Variants in BAIAP2 observed in about 807,000 individuals in gnomAD.
BAIAP2 encodes the protein BAR/IMD domain-containing adapter protein 2.
Under a neutral mutation model 63.0 loss-of-function variants are expected in BAIAP2, and 18 were observed. The ratio of observed to expected loss-of-function variants is 0.29; its 90% CI spans 0.20 to 0.42. The LOEUF (loss-of-function observed/expected upper bound fraction) is 0.42, where lower values mean the gene tolerates loss of function less well. Among genes scored for constraint, BAIAP2 ranks in the 10% least tolerant of loss-of-function variants. BAIAP2 has a pLI of 1.00. For missense variants in BAIAP2, 610 were observed against 734.3 expected, an observed-to-expected ratio of 0.83 and a Z score of 1.96; for synonymous variants, 386 against 307.6, an observed-to-expected ratio of 1.25 and a Z score of -2.67.
At chr17:81,062,862 C>T (rs1297139396) in intron 3 of BAIAP2, among the ~76,000 whole-genome samples, 5 of 152,150 alleles carry the variant, frequency 3.3e-5, no homozygotes, top group Admixed American at 6.5e-5. Flanking sequence ...CAGCTCCCAC[C>T]GCTGCTGTGT....
chr17:81,068,389 C>A (rs1403697391), intron 3 of BAIAP2, among the ~76,000 whole-genome samples: 2 of 152,230 alleles, frequency 1.3e-5, no homozygotes, highest in African/African-American at 2.4e-5. Context: ...TGGCTTCTGT[C>A]CCCTGCAGAG....
intron 3 of BAIAP2, among the ~76,000 whole-genome samples, chr17:81,080,366 C>T (rs958553259): frequency 2.0e-5 from 3 of 152,240 alleles, no homozygotes; most frequent in Non-Finnish European, 2.9e-5. Flanking sequence ...TTTGTGCAGC[C>T]GCCGCTCGAA....
intron 1 of BAIAP2, among the ~76,000 whole-genome samples, chr17:81,048,754 C>T (rs1428568369): frequency 6.6e-6 from 1 of 152,152 alleles, no homozygotes; most frequent in Non-Finnish European, 1.5e-5. Context: ...GTAGTAGGGA[C>T]AGCTAGGGTC....
At chr17:81,043,782 G>A (rs1170788539) in intron 1 of BAIAP2, among the ~76,000 whole-genome samples, 1 of 152,206 alleles carries the variant, frequency 6.6e-6, no homozygotes. Flanking sequence ...GAGTGGCTGA[G>A]CTCATTGAAA....
At chr17:81,074,017 A>G (rs1382803827) in intron 3 of BAIAP2, among the ~76,000 whole-genome samples, 1 of 152,242 alleles carries the variant, frequency 6.6e-6, no homozygotes, top group East Asian at 1.9e-4. Flanking sequence ...TGCCAACGCA[A>G]CACAGCGGGA....
At chr17:81,078,700 C>T (rs2054117936) in intron 3 of BAIAP2, among the ~76,000 whole-genome samples, 1 of 150,940 alleles carries the variant, frequency 6.6e-6, no homozygotes, top group East Asian at 1.9e-4. Context: ...GGCGTGTTTG[C>T]GGCTGTTGGT....
intron 6 of BAIAP2, among the ~76,000 whole-genome samples, chr17:81,089,940 TCTC>T (rs2056425846): frequency 6.6e-6 from 1 of 152,104 alleles, no homozygotes; most frequent in Non-Finnish European, 1.5e-5. Context: ...AGCCTCATCT[TCTC>T]GGCCTCCCAG....
intron 2 of BAIAP2, chr17:81,057,496 A>T: frequency 4.0e-6 from 1 of 249,530 alleles, no homozygotes; most frequent in Non-Finnish European, 6.5e-6. Context: ...ATGGCTTCCT[A>T]CTGCCCAGCT....
rs556387461 is a variant in BAIAP2, at chr17:81,093,164, C to A, written c.489+6584C>A. Among the ~76,000 whole-genome samples, 4 of 152,028 alleles carry A rather than the reference C, an allele frequency of 2.6e-5. No homozygotes were observed. In the South Asian group the frequency reaches 8.3e-4, roughly 32 times the overall value. On this transcript the variant is annotated intron_variant, in intron 6 of 13. Coordinates refer to ENST00000428708, the MANE Select transcript of BAIAP2 (RefSeq NM_001144888.2). ...GAGGACCTGAGTGTGAGGAGGGAGC[C>A]CCGGCCCGCTGGATGCAACTTGTCC...
intron 5 of BAIAP2, 121 bp downstream of exon 5, chr17:81,085,846 GC>G: frequency 2.7e-6 from 2 of 743,896 alleles, no homozygotes; most frequent in Non-Finnish European, 2.2e-6. Flanking sequence ...GTCCACATGG[GC>G]CCCAGCTCTG....
At chr17:81,048,376 AAAAAG>A (rs2048148142) in intron 1 of BAIAP2, among the ~76,000 whole-genome samples, 1 of 151,862 alleles carries the variant, frequency 6.6e-6, no homozygotes, top group South Asian at 2.1e-4. Flanking sequence ...AAAAAAAAAA[AAAAAG>A]AATTCCTGAG....
At chr17:81,100,425 C>T (rs764960506) in intron 7 of BAIAP2, among the ~76,000 whole-genome samples, 82 of 152,292 alleles carry the variant, frequency 5.4e-4, no homozygotes, top group Admixed American at 9.1e-4. Flanking sequence ...GGTCATGCTC[C>T]GTGCTGGGTG....
chr17:81,100,198 C>T, intron 7 of BAIAP2, 118 bp downstream of exon 7: 1 of 1,338,882 alleles, frequency 7.5e-7, no homozygotes, highest in East Asian at 2.8e-5. Context: ...GGCTCGAACT[C>T]TCGTTTATTT....
chr17:81,113,179 C>T (rs562750155), intron 13 of BAIAP2, among the ~76,000 whole-genome samples: 13 of 152,350 alleles, frequency 8.5e-5, no homozygotes, highest in African/African-American at 2.4e-4. Flanking sequence ...CTGAGGCCAG[C>T]GCCCTGCCCG....
At position 81,103,602 on chromosome 17, in the gene BAIAP2, C is replaced by T; in HGVS notation, c.743C>T (p.Ala248Val). The change falls in exon 8 of 14, where the codon GCC becomes GTC. Residue 248 changes from alanine (A) to valine (V), a missense_variant. Around this residue, in one of 5 missense-constraint regions of BAIAP2, gnomAD observed 389 missense variants for 455.6 expected, o/e 0.85. Transcript: ENST00000428708. Reference sequence around the variant, plus strand: ...GCGGTGCAGCTCATGCAGCAGGTGGCCAGCAACGGCGCCACCCTCCCCAGC... The same window carrying T: ...GCGGTGCAGCTCATGCAGCAGGTGGTCAGCAACGGCGCCACCCTCCCCAGC... ...ERAVQLMQQV[A>V]SNGATLPSAL... 6.2e-7 allele frequency: 1 copy of T among 1,605,080 alleles called. No individual in the cohort carries two copies. The highest frequency in any genetic ancestry group is 8.5e-7 in the Non-Finnish European group (1 of 1,179,270).
chr17:81,066,995 A>G (rs1282779500), intron 3 of BAIAP2, among the ~76,000 whole-genome samples: 1 of 152,174 alleles, frequency 6.6e-6, no homozygotes, highest in Non-Finnish European at 1.5e-5. Context: ...TAATTAGATC[A>G]ACCTTACATC....
intron 3 of BAIAP2, among the ~76,000 whole-genome samples, chr17:81,074,999 T>C (rs936025905): frequency 2.0e-5 from 3 of 152,240 alleles, no homozygotes; most frequent in Non-Finnish European, 4.4e-5. Flanking sequence ...CAGGGAAGAA[T>C]GGGCTTGGCA....
At chr17:81,071,375 G>A (rs968787670) in intron 3 of BAIAP2, among the ~76,000 whole-genome samples, 5 of 152,184 alleles carry the variant, frequency 3.3e-5, no homozygotes, top group African/African-American at 9.7e-5. Flanking sequence ...CGCTCTGTTC[G>A]AGCCCTGCCC....
chr17:81,051,287 C>G (rs2048645054), intron 1 of BAIAP2, among the ~76,000 whole-genome samples: 1 of 152,232 alleles, frequency 6.6e-6, no homozygotes, highest in South Asian at 2.1e-4. Flanking sequence ...CTCTTCCCCT[C>G]TGACATCCCA....
Sources: allele counts gnomAD v4.1 joint callset (sites outside exome capture counted in the v4.1 genomes callset), GRCh38; gene constraint gnomAD v4.1.1; regional missense constraint gnomAD v4.1.1; transcripts MANE v1.5; gene names NCBI Gene and HGNC (gene_info 2026-07-23, HGNC 2026-07-21).